AGFG1: variants seen among roughly 807,000 people sequenced by gnomAD.
AGFG1 encodes ArfGAP with FG repeats 1, also known as arf-GAP domain and FG repeat-containing protein 1.
Under a neutral mutation model 60.6 loss-of-function variants are expected in AGFG1, and 10 were observed. The observed-to-expected ratio is 0.16, with a 90% CI of 0.10 to 0.28. The LOEUF is 0.28. Ranked by LOEUF, AGFG1 falls within the 10% of genes least tolerant of loss-of-function variation. The pLI is 1.00. For missense variants in AGFG1, 537 were observed against 676.5 expected (o/e 0.79, Z 2.29); for synonymous variants, 247 against 242.9 (o/e 1.02, Z -0.16).
intron 6 of AGFG1, among the ~76,000 whole-genome samples, chr2:227,531,841 T>C (rs1231361723): frequency 6.6e-6 from 1 of 152,136 alleles, no homozygotes; most frequent in African/African-American, 2.4e-5. Context: ...GTAAGTAATT[T>C]TCGGGGCAAC....
chr2:227,492,695 TTAAAG>T (rs1690855240), intron 2 of AGFG1, among the ~76,000 whole-genome samples: 1 of 152,022 alleles, frequency 6.6e-6, no homozygotes, highest in South Asian at 2.1e-4. Context: ...ATTAAATTAT[TTAAAG>T]AAGAGAGCAC....
intron 10 of AGFG1, among the ~76,000 whole-genome samples, chr2:227,542,620 C>CT (rs1463704818): frequency 7.2e-5 from 11 of 152,242 alleles, no homozygotes; most frequent in African/African-American, 1.4e-4. Flanking sequence ...CTAAAATTCT[C>CT]TTTTTTTGTT....
chr2:227,472,642 C>T (rs1437437952), intron 1 of AGFG1, 54 bp downstream of exon 1: 5 of 1,445,896 alleles, frequency 3.5e-6, no homozygotes, highest in Non-Finnish European at 3.7e-6. Context: ...GGTGGGGGAG[C>T]GGGCGGCGGG....
In AGFG1 at chr2:227,558,793, T is replaced by C. The variant is rs1693051826; in HGVS notation, c.*4298T>C. 1 of 152,188 alleles carries C rather than the reference T, an allele frequency of 6.6e-6. No individual in the cohort carries two copies. Among genetic ancestry groups the C allele is most frequent in the Non-Finnish European group, 1.5e-5 (1 of 68,032 alleles). 9.4% of individuals were successfully genotyped at this position (152,188 alleles called of 1,614,324 possible). A position where few individuals can be genotyped will look rare whatever the true frequency, so the allele number is the denominator to read the frequency against. Reference sequence around the variant, plus strand: ...TAATATTTATGGTATAAATACTGTCTTCATGGTGATTTTACCTGCCAATCT... The same window carrying C: ...TAATATTTATGGTATAAATACTGTCCTCATGGTGATTTTACCTGCCAATCT... On this transcript the variant is annotated 3_prime_UTR_variant, in exon 13 of 13. Coordinates refer to ENST00000310078, the MANE Select transcript of AGFG1 (RefSeq NM_004504.5).
At chr2:227,484,677 G>GTTTTTTTTTTTTTTTTTTTTTTTTTTT (rs34405103) in intron 1 of AGFG1, among the ~76,000 whole-genome samples, 1 of 115,908 alleles carries the variant, frequency 8.6e-6, no homozygotes, top group East Asian at 2.5e-4. Flanking sequence ...AGATCTCTTA[G>GTTTTTTTTTTTTTTTTTTTTTTTTTTT]TTTTTTTTTT....
intron 6 of AGFG1, 134 bp from the exon 7 acceptor site, chr2:227,533,415 A>G: frequency 1.2e-6 from 1 of 801,570 alleles, no homozygotes; most frequent in Non-Finnish European, 1.9e-6. Context: ...GTCAAAAGCC[A>G]TTGCCAGTCA....
At chr2:227,504,939 A>G (rs1238886159) in intron 2 of AGFG1, among the ~76,000 whole-genome samples, 1 of 152,206 alleles carries the variant, frequency 6.6e-6, no homozygotes, top group Non-Finnish European at 1.5e-5. Flanking sequence ...AATGACAATT[A>G]TAGCTCTGTG....
intron 5 of AGFG1, among the ~76,000 whole-genome samples, chr2:227,530,406 A>G (rs955022543): frequency 6.6e-6 from 1 of 152,176 alleles, no homozygotes; most frequent in African/African-American, 2.4e-5. Flanking sequence ...AAGTACTACA[A>G]AGTCCTGTCT....
At chr2:227,490,439 G>A (rs1458691123) in intron 1 of AGFG1, among the ~76,000 whole-genome samples, 1 of 152,050 alleles carries the variant, frequency 6.6e-6, no homozygotes, top group Non-Finnish European at 1.5e-5. Context: ...TTAGCCGGAC[G>A]TGGTGGCGGG....
At chr2:227,495,407 G>C (rs561617743) in intron 2 of AGFG1, among the ~76,000 whole-genome samples, 46 of 151,862 alleles carry the variant, frequency 3.0e-4, no homozygotes, top group Admixed American at 5.3e-4. Context: ...TTAGCCAGGC[G>C]TGGTGGTACA....
At position 227,509,564 on chromosome 2, in the gene AGFG1, A is replaced by G. The variant is rs573546758; in HGVS notation, c.262-10384A>G. Among the ~76,000 whole-genome samples, 79 of 152,270 alleles carry G rather than the reference A, an allele frequency of 5.2e-4. 1 individual carries two copies. The highest frequency in any genetic ancestry group is 1.7e-3 in the African/African-American group (71 of 41,572). On this transcript the variant is annotated intron_variant, in intron 2 of 12. Transcript: ENST00000310078. ...TTTAGGAAATATACATTTAGGGGTA[A>G]AAGGCTTGTTATGTCACCAATTTAA...
intron 3 of AGFG1, among the ~76,000 whole-genome samples, chr2:227,522,590 G>A (rs1371006363): frequency 1.3e-5 from 2 of 152,150 alleles, no homozygotes; most frequent in African/African-American, 4.8e-5. Context: ...GAAAAAAATG[G>A]AAGCACAAAG....
chr2:227,524,369 A>G (rs1404773576), intron 4 of AGFG1, among the ~76,000 whole-genome samples: 1 of 152,220 alleles, frequency 6.6e-6, no homozygotes, highest in Non-Finnish European at 1.5e-5. Flanking sequence ...TCATTGAAAC[A>G]CAAGGGACTT....
chr2:227,548,578 G>T (rs1028953959), intron 10 of AGFG1, among the ~76,000 whole-genome samples: 1 of 152,258 alleles, frequency 6.6e-6, no homozygotes, highest in East Asian at 1.9e-4. Flanking sequence ...AGAAATGCTG[G>T]AATAAACACA....
intron 1 of AGFG1, among the ~76,000 whole-genome samples, chr2:227,479,173 G>T (rs1473255109): frequency 6.6e-6 from 1 of 152,228 alleles, no homozygotes; most frequent in Admixed American, 6.5e-5. Flanking sequence ...AATTGGATAA[G>T]AAGGACTCTT....
chr2:227,536,495 C>A, intron 8 of AGFG1, 130 bp from the exon 9 acceptor site: 1 of 636,820 alleles, frequency 1.6e-6, no homozygotes, highest in Non-Finnish European at 2.7e-6. Flanking sequence ...ACTTAAATGT[C>A]TTAATTTTCT....
rs544138530 is a variant in AGFG1, at chr2:227,513,521, C to T, written c.262-6427C>T. 3.3e-5 allele frequency among the ~76,000 whole-genome samples: 5 copies of T among 152,314 alleles called. No homozygotes were observed. In the East Asian group the frequency reaches 9.6e-4, roughly 29 times the overall value. Reference sequence around the variant, plus strand: ...GAAGTTTCCAGTTCCTATCAGGCAGCTGACATTTTTCTTTCTTCCCCTGCT... The same window carrying T: ...GAAGTTTCCAGTTCCTATCAGGCAGTTGACATTTTTCTTTCTTCCCCTGCT... On this transcript the variant is annotated intron_variant, in intron 2 of 12. Transcript: ENST00000310078.
chr2:227,533,425 A>G (rs1251759427), intron 6 of AGFG1, 124 bp from the exon 7 acceptor site: 5 of 865,618 alleles, frequency 5.8e-6, no homozygotes, highest in Non-Finnish European at 7.0e-6. Flanking sequence ...ATTGCCAGTC[A>G]TTGATTTTAA....
In AGFG1 at chr2:227,540,765, C is replaced by T. The variant is rs1270842781; in HGVS notation, c.1378+3772C>T. Among the ~76,000 whole-genome samples, 8 of 152,154 alleles carry T rather than the reference C, an allele frequency of 5.3e-5. No homozygotes were observed. The East Asian group carries it at 9.6e-4, about 18-fold the overall frequency. On this transcript the variant is annotated intron_variant, in intron 10 of 12. Transcript: ENST00000310078. ...TTCTAGTTCTAGATCCCTGGGGAATCGCCACACTGTCTTCCACAATGGTTG... is the reference window on the plus strand; with the variant it reads ...TTCTAGTTCTAGATCCCTGGGGAATTGCCACACTGTCTTCCACAATGGTTG...
Sources: gnomAD v4.1 joint callset for allele counts (sites outside exome capture counted in the v4.1 genomes callset) on GRCh38, gnomAD v4.1.1 for gene constraint, MANE v1.5 for transcripts, NCBI Gene and HGNC (gene_info 2026-07-23, HGNC 2026-07-21) for gene names.